The following WWOX variants were observed in gnomAD, a reference collection of about 807,000 sequenced individuals.
WWOX encodes WW domain-containing oxidoreductase.
In WWOX, 69 loss-of-function variants were observed where a neutral mutation model predicts 46.2. The ratio of observed to expected loss-of-function variants is 1.49; its 90% CI spans 1.23 to 1.82. The LOEUF (loss-of-function observed/expected upper bound fraction) is 1.82. Ranked by LOEUF, WWOX falls within the 40% of genes most tolerant of loss-of-function variation. WWOX has a pLI of 0.00. For synonymous variants in WWOX, 359 were observed against 202.6 expected (o/e 1.77, Z -6.56); for missense variants, 919 against 542.6 (o/e 1.69, Z -6.89).
chr16:78,508,277 C>T (rs2085267227), intron 8 of WWOX, among the ~76,000 whole-genome samples: 1 of 142,084 alleles, frequency 7.0e-6, no homozygotes, highest in Admixed American at 7.2e-5. Flanking sequence ...ACCCAAAGTG[C>T]TGGGATTATA....
chr16:78,212,998 C>T (rs1567432092), intron 5 of WWOX, among the ~76,000 whole-genome samples: 1 of 152,060 alleles, frequency 6.6e-6, no homozygotes, highest in Admixed American at 6.5e-5. Flanking sequence ...ATGCCTCACA[C>T]CTGTAATCCC....
At chr16:78,726,109 C>CTCCCTCCCTCTCTCCT (rs2048828130) in intron 8 of WWOX, among the ~76,000 whole-genome samples, 1 of 138,614 alleles carries the variant, frequency 7.2e-6, no homozygotes, top group Non-Finnish European at 1.6e-5. Flanking sequence ...CCCTCCCTCC[C>CTCCCTCCCTCTCTCCT]TCTCTGCCTC....
intron 8 of WWOX, among the ~76,000 whole-genome samples, chr16:78,751,587 A>G (rs939338941): frequency 6.6e-5 from 10 of 151,208 alleles, no homozygotes; most frequent in Admixed American, 2.0e-4. Context: ...AAATAACAAA[A>G]CATTCTTCCA....
chr16:78,315,140 A>T (rs2080333918), intron 5 of WWOX, among the ~76,000 whole-genome samples: 1 of 152,180 alleles, frequency 6.6e-6, no homozygotes, highest in Non-Finnish European at 1.5e-5. Context: ...CTATAGAAAT[A>T]GCAAATTTTC....
At chr16:78,930,279 C>CCTTCCTTCCTTCCTTCCTTCCTTCCATT (rs1555570914) in intron 8 of WWOX, among the ~76,000 whole-genome samples, 1 of 107,254 alleles carries the variant, frequency 9.3e-6, no homozygotes, top group Non-Finnish European at 2.0e-5. Context: ...TTCTCTCTTT[C>CCTTCCTTCCTTCCTTCCTTCCTTCCATT]TTTTTTTATT....
At chr16:78,342,629 G>T (rs1230296968) in intron 5 of WWOX, among the ~76,000 whole-genome samples, 1 of 120,212 alleles carries the variant, frequency 8.3e-6, no homozygotes, top group Non-Finnish European at 2.0e-5. Context: ...GTGAGACAGG[G>T]AAGCCCAGAA....
At chr16:78,455,616 C>G (rs1243632772) in intron 8 of WWOX, among the ~76,000 whole-genome samples, 5 of 112,900 alleles carry the variant, frequency 4.4e-5, no homozygotes, top group Non-Finnish European at 7.8e-5. Flanking sequence ...GCACTCCAGC[C>G]TGGGTTAACA....
rs922401139 is a variant in WWOX at position 78,918,804 on chromosome 16, G to C, written c.1057-292804G>C. Among the ~76,000 whole-genome samples the C allele has an allele frequency of 3.3e-5, 5 of 152,258 alleles. No individual in the cohort carries two copies. In the South Asian group the frequency reaches 1.0e-3, roughly 32 times the overall value. On this transcript the variant is annotated intron_variant, in intron 8 of 8. Transcript: ENST00000566780. The stretch of plus-strand genomic sequence containing the variant: ...TTACTTGTCTAAGCTCTATATTACA[G>C]AACTTAAATTGGCTTCTCTCTTTCC...
intron 8 of WWOX, among the ~76,000 whole-genome samples, chr16:78,582,270 T>C (rs761523888): frequency 5.1e-4 from 77 of 152,292 alleles, no homozygotes; most frequent in Middle Eastern, 6.8e-3. Flanking sequence ...ATCTATACTT[T>C]TGATAGCAAT....
intron 8 of WWOX, among the ~76,000 whole-genome samples, chr16:78,685,805 G>T (rs533411357): frequency 6.6e-6 from 1 of 151,904 alleles, no homozygotes; most frequent in African/African-American, 2.4e-5. Flanking sequence ...CTGTAATCTC[G>T]GTCACTGTTG....
chr16:78,483,038 C>G (rs1187784275), intron 8 of WWOX, among the ~76,000 whole-genome samples: 1 of 152,128 alleles, frequency 6.6e-6, no homozygotes, highest in African/African-American at 2.4e-5. Context: ...GGAAGGGGTC[C>G]CTAGACATGA....
intron 8 of WWOX, among the ~76,000 whole-genome samples, chr16:78,894,868 A>G (rs2044667516): frequency 6.6e-6 from 1 of 152,174 alleles, no homozygotes; most frequent in African/African-American, 2.4e-5. Flanking sequence ...CTAACTGAGC[A>G]CTGTGCATAA....
At chr16:78,854,411 G>A (rs1207515041) in intron 8 of WWOX, among the ~76,000 whole-genome samples, 2 of 152,198 alleles carry the variant, frequency 1.3e-5, no homozygotes, top group Admixed American at 6.5e-5. Flanking sequence ...TAATTTGGCA[G>A]TGAGTTCAGG....
At chr16:78,355,868 A>G (rs2081274627) in intron 5 of WWOX, 15 of 563,042 alleles carry the variant, frequency 2.7e-5, no homozygotes, top group South Asian at 2.4e-4. Context: ...AAAACAGGAG[A>G]CTTTGTACAG....
At chr16:79,038,491 A>G (rs1417226992) in intron 8 of WWOX, among the ~76,000 whole-genome samples, 1 of 152,208 alleles carries the variant, frequency 6.6e-6, no homozygotes, top group Admixed American at 6.5e-5. Context: ...GTTATTGTTT[A>G]TGAGTGTTCT....
At chr16:78,761,424 T>G (rs2049790932) in intron 8 of WWOX, among the ~76,000 whole-genome samples, 1 of 152,188 alleles carries the variant, frequency 6.6e-6, no homozygotes. Flanking sequence ...TTTAGTGCCC[T>G]CTCGGTTCCC....
intron 5 of WWOX, among the ~76,000 whole-genome samples, chr16:78,250,885 C>T (rs1017653281): frequency 6.6e-6 from 1 of 152,184 alleles, no homozygotes; most frequent in South Asian, 2.1e-4. Flanking sequence ...TGGCAATCTT[C>T]ATTTAACTCC....
intron 8 of WWOX, among the ~76,000 whole-genome samples, chr16:78,540,020 TCACACACACACACACA>T (rs71140810): frequency 1.5e-5 from 2 of 132,854 alleles, no homozygotes; most frequent in Admixed American, 7.6e-5. Context: ...TCTCTCTCTC[TCACACACACACACACA>T]CACACACACA....
chr16:78,658,967 C>T lies in WWOX; in HGVS notation c.1056+226215C>T, dbSNP rs2047145578. On this transcript the variant is annotated intron_variant, in intron 8 of 8. Transcript: ENST00000566780. ...ATTAGCCAGGTATGGTGGTGCGTGC[C>T]TGTAGTCCTAGCTACTTGGGAGGCT... Among the ~76,000 whole-genome samples, 2 of 120,332 alleles carry T rather than the reference C, an allele frequency of 1.7e-5. 1 individual carries two copies. Among genetic ancestry groups the T allele is most frequent in the Non-Finnish European group, 3.7e-5 (2 of 53,896 alleles). 78.9% of individuals were successfully genotyped at this position (120,332 alleles called of 152,430 possible).
Sources: allele counts gnomAD v4.1 joint callset (sites outside exome capture counted in the v4.1 genomes callset), GRCh38; gene constraint gnomAD v4.1.1; transcripts MANE v1.5; gene names NCBI Gene and HGNC (gene_info 2026-07-23, HGNC 2026-07-21).